The following SCARB1 variants were observed in gnomAD, a reference collection of about 807,000 sequenced individuals.
SCARB1 encodes CD36 and LIMPII analogous 1.
A neutral mutation model predicts 57.2 loss-of-function variants in SCARB1; 30 were observed. That is an observed-to-expected ratio of 0.52 (90% confidence interval 0.39 to 0.71). SCARB1 has a LOEUF of 0.71. SCARB1 is among the 30% of genes least tolerant of loss of function. SCARB1 has a pLI of 0.00. For missense variants in SCARB1, 543 were observed against 671.2 expected, an observed-to-expected ratio of 0.81 and a Z score of 2.11; for synonymous variants, 249 against 268.3, an observed-to-expected ratio of 0.93 and a Z score of 0.70.
chr12:124,810,298 A>G lies in SCARB1; in HGVS notation c.727-9T>C, dbSNP rs188756468. On this transcript the variant is annotated splice_polypyrimidine_tract_variant and intron_variant, in intron 5 of 12. Coordinates refer to ENST00000261693, the MANE Select transcript of SCARB1 (RefSeq NM_005505.5). This position sits in a 1 kb window ranked among gnomAD's most constrained non-coding sequence, Gnocchi z 4.0. Reference sequence around the variant, plus strand: ...GAATGCCAGAAGTCAACCTGGGGGGAAGCATCCAGACTAGACCCCTCAGTA... The same window carrying G: ...GAATGCCAGAAGTCAACCTGGGGGGGAGCATCCAGACTAGACCCCTCAGTA... 4.9e-4 allele frequency: 783 copies of G among 1,598,860 alleles called. 2 individuals carry two copies. The Middle Eastern group carries it at 8.6e-3, about 18-fold the overall frequency.
At chr12:124,808,216 G>A (rs1169154422) in intron 6 of SCARB1, among the ~76,000 whole-genome samples, 1 of 152,222 alleles carries the variant, frequency 6.6e-6, no homozygotes, top group African/African-American at 2.4e-5. Flanking sequence ...AGCACTTTGG[G>A]AGGCCGAGGT....
At chr12:124,845,248 A>G (rs1952094529) in intron 1 of SCARB1, among the ~76,000 whole-genome samples, 1 of 152,148 alleles carries the variant, frequency 6.6e-6, no homozygotes, top group South Asian at 2.1e-4. Flanking sequence ...GCGCGGAAAA[A>G]CAGCATGCAG....
chr12:124,840,128 C>T, intron 1 of SCARB1: 1 of 1,202,250 alleles, frequency 8.3e-7, no homozygotes, highest in Non-Finnish European at 1.1e-6. Flanking sequence ...ATTCTCATTT[C>T]CCTAACGATG....
At chr12:124,806,712 T>C (rs1023178233) in intron 7 of SCARB1, among the ~76,000 whole-genome samples, 6 of 152,020 alleles carry the variant, frequency 3.9e-5, no homozygotes, top group African/African-American at 1.4e-4. Flanking sequence ...CTGGGCAACA[T>C]GGTGAAACAA....
At chr12:124,793,691 T>TGAAA (rs1474597755) in intron 9 of SCARB1, among the ~76,000 whole-genome samples, 1 of 70,918 alleles carries the variant, frequency 1.4e-5, no homozygotes, top group African/African-American at 7.6e-5. Flanking sequence ...AGACTCCGTC[T>TGAAA]CAAAAAAAAA....
At chr12:124,861,395 A>G (rs1952894166) in intron 1 of SCARB1, among the ~76,000 whole-genome samples, 1 of 151,910 alleles carries the variant, frequency 6.6e-6, no homozygotes, top group South Asian at 2.1e-4. Context: ...TTTCATCTGC[A>G]GTTGATTGAA....
At position 124,786,472 on chromosome 12, in the gene SCARB1, G is replaced by A; in HGVS notation, c.1286C>T (p.Thr429Ile). ...SGAMEGETLH[T>I]FYTQLVLMPK... ...CATCAACACCAGCTGAGTGTAGAAT[G>A]TGTGAAGAGTCTCCCCCTCCATGGC... Residue 429 changes from threonine (T) to isoleucine (I), a missense_variant, in exon 11 of 13, where the codon ACA becomes ATA. Thr to Ile is a moderately conservative substitution (Grantham distance 89). Coordinates refer to ENST00000261693, the MANE Select transcript of SCARB1 (RefSeq NM_005505.5). 6.2e-7 allele frequency: 1 copy of A among 1,614,122 alleles called. No homozygotes were observed. Among genetic ancestry groups the A allele is most frequent in the Non-Finnish European group, 8.5e-7 (1 of 1,180,012 alleles).
intron 1 of SCARB1, among the ~76,000 whole-genome samples, chr12:124,845,811 G>C (rs1260544503): frequency 6.7e-6 from 1 of 149,400 alleles, no homozygotes; most frequent in Non-Finnish European, 1.5e-5. Flanking sequence ...TTTGAGACTA[G>C]CCTGGCCAAC....
At chr12:124,849,890 CCT>C (rs1296397789) in intron 1 of SCARB1, among the ~76,000 whole-genome samples, 1 of 120,528 alleles carries the variant, frequency 8.3e-6, no homozygotes, top group East Asian at 2.2e-4. Context: ...TAGCAAGACC[CCT>C]GTCTCTACAA....
chr12:124,836,091 G>A (rs977909543), intron 1 of SCARB1, among the ~76,000 whole-genome samples: 1 of 152,202 alleles, frequency 6.6e-6, no homozygotes, highest in Non-Finnish European at 1.5e-5. Context: ...CAAAGCGGGC[G>A]ATCAGTGCTA....
At chr12:124,803,795 G>A (rs890542944) in intron 7 of SCARB1, among the ~76,000 whole-genome samples, 4 of 149,406 alleles carry the variant, frequency 2.7e-5, no homozygotes, top group Non-Finnish European at 5.9e-5. Flanking sequence ...TGAGGTGGGA[G>A]AATCATTTGT....
At chr12:124,859,807 G>A (rs911360903) in intron 1 of SCARB1, among the ~76,000 whole-genome samples, 9 of 152,028 alleles carry the variant, frequency 5.9e-5, no homozygotes, top group African/African-American at 2.2e-4. Context: ...TTGTCTCTAC[G>A]AAAATAAAAA....
chr12:124,840,783 C>T (rs1951874952), intron 1 of SCARB1, among the ~76,000 whole-genome samples: 2 of 150,752 alleles, frequency 1.3e-5, no homozygotes, highest in South Asian at 4.1e-4. Flanking sequence ...AAAACTACCC[C>T]CACCTGGCTC....
Position 124,817,134 on chromosome 12 carries a change from A to ATGTATGTATG in SCARB1, c.284+415_284+416insCATACATACA, listed in dbSNP as rs1555263240. ...TACGTGTGTATGTATGTATGTGTGT[A>ATGTATGTATG]TGTGTATGTGTATGTGTGTGTATGT... On this transcript the variant is annotated intron_variant, in intron 2 of 12. Transcript: ENST00000261693. The surrounding 1 kb of genome is among the most constrained non-coding windows in gnomAD (Gnocchi z 4.8). 3.2e-3 allele frequency among the ~76,000 whole-genome samples: 126 copies of ATGTATGTATG among 39,196 alleles called. No homozygotes were observed. Among genetic ancestry groups the ATGTATGTATG allele is most frequent in the African/African-American group, 6.7e-3 (117 of 17,412 alleles). 25.7% of individuals were successfully genotyped at this position (39,196 alleles called of 152,430 possible).
intron 1 of SCARB1, among the ~76,000 whole-genome samples, chr12:124,834,526 A>G (rs1281150303): frequency 2.0e-5 from 3 of 152,228 alleles, no homozygotes; most frequent in Admixed American, 2.0e-4. Context: ...TGGTGTGAGC[A>G]TAGTACTGTG....
At chr12:124,862,936 T>C (rs572410455) in intron 1 of SCARB1, among the ~76,000 whole-genome samples, 7 of 152,354 alleles carry the variant, frequency 4.6e-5, no homozygotes, top group African/African-American at 1.7e-4. Flanking sequence ...GGCTGCTGCC[T>C]GCCTCTGCAT....
chr12:124,845,197 C>A (rs1952091780), intron 1 of SCARB1, among the ~76,000 whole-genome samples: 1 of 152,126 alleles, frequency 6.6e-6, no homozygotes, highest in Non-Finnish European at 1.5e-5. Context: ...CCCAGCAGCA[C>A]CGCTCCCGGC....
chr12:124,786,519 G>T lies in SCARB1; in HGVS notation c.1255-16C>A. ...TGGCCCCGCTCTGAGGAGACAGAAT[G>T]ACAAACACATGAGCTGGGGCCGCAG... On this transcript the variant is annotated splice_polypyrimidine_tract_variant and intron_variant, in intron 10 of 12. Transcript: ENST00000261693. The T allele has an allele frequency of 6.2e-7, 1 of 1,613,782 alleles. No homozygotes were observed. Among genetic ancestry groups the T allele is most frequent in the South Asian group, 1.1e-5 (1 of 91,074 alleles).
At chr12:124,840,850 C>G (rs1019904736) in intron 1 of SCARB1, among the ~76,000 whole-genome samples, 2 of 152,202 alleles carry the variant, frequency 1.3e-5, no homozygotes, top group Non-Finnish European at 2.9e-5. Context: ...ACTCCCTTCT[C>G]CAGACAGCAG....
Sources: allele counts gnomAD v4.1 joint callset (sites outside exome capture counted in the v4.1 genomes callset), GRCh38; gene constraint gnomAD v4.1.1; non-coding constraint Gnocchi (gnomAD v3.1); transcripts MANE v1.5; gene names NCBI Gene and HGNC (gene_info 2026-07-23, HGNC 2026-07-21).